GPR149: variants seen among roughly 807,000 people sequenced by gnomAD.
GPR149 encodes G protein-coupled receptor 149.
Under a neutral mutation model 50.2 loss-of-function variants are expected in GPR149, and 50 were observed. The observed-to-expected ratio is 1.00, with a 90% confidence interval of 0.79 to 1.26. GPR149 has a LOEUF of 1.26. GPR149 is among the 50% of genes most tolerant of loss of function. GPR149 has a pLI of 0.00. For synonymous variants in GPR149, 405 were observed against 358.2 expected, an observed-to-expected ratio of 1.13 and a Z score of -1.48; for missense variants, 983 against 895.4, an observed-to-expected ratio of 1.10 and a Z score of -1.25.
At chr3:154,364,090 C>A (rs1714476378) in intron 3 of GPR149, among the ~76,000 whole-genome samples, 1 of 152,198 alleles carries the variant, frequency 6.6e-6, no homozygotes, top group Admixed American at 6.5e-5. Flanking sequence ...CTGGGCACCA[C>A]TCCCTCCTAC....
chr3:154,388,304 A>G (rs1017845184), intron 3 of GPR149, among the ~76,000 whole-genome samples: 2 of 152,038 alleles, frequency 1.3e-5, no homozygotes, highest in African/African-American at 4.8e-5. Context: ...ATATATACAC[A>G]TATATATACA....
At chr3:154,417,821 G>A (rs1372346715) in intron 3 of GPR149, among the ~76,000 whole-genome samples, 5 of 152,062 alleles carry the variant, frequency 3.3e-5, no homozygotes, top group Non-Finnish European at 7.4e-5. Context: ...AAAAGGGTAA[G>A]AATTAAAAGT....
intron 3 of GPR149, among the ~76,000 whole-genome samples, chr3:154,358,146 G>A (rs1243058639): frequency 5.3e-5 from 8 of 152,028 alleles, no homozygotes; most frequent in Non-Finnish European, 7.4e-5. Context: ...GTTGTGGGGT[G>A]GGGGGTGTGG....
rs115361690 is a variant in GPR149, at chr3:154,339,546, A to C, written c.1624-1275T>G. ...ATTTTCCTGGGACTGTCCCATATTT[A>C]GCACTGAAATTTCTGCATCCCAGGA... On this transcript the variant is annotated intron_variant, in intron 3 of 3. Coordinates refer to ENST00000389740, the MANE Select transcript of GPR149 (RefSeq NM_001038705.3). Among the ~76,000 whole-genome samples, 490 of 152,260 alleles carry C rather than the reference A, an allele frequency of 3.2e-3. 3 individuals carry two copies. Among genetic ancestry groups the C allele is most frequent in the African/African-American group, 0.011 (475 of 41,548 alleles).
At chr3:154,403,615 A>T (rs1236350267) in intron 3 of GPR149, among the ~76,000 whole-genome samples, 4 of 152,170 alleles carry the variant, frequency 2.6e-5, no homozygotes, top group African/African-American at 9.7e-5. Flanking sequence ...GAACACATTG[A>T]TAGGGATCCT....
At chr3:154,346,002 G>C (rs701137) in intron 3 of GPR149, among the ~76,000 whole-genome samples, 2 of 151,950 alleles carry the variant, frequency 1.3e-5, no homozygotes, top group Non-Finnish European at 2.9e-5. Flanking sequence ...GTATCATGTT[G>C]TTATTTTAAA....
chr3:154,355,252 T>C (rs1714190861), intron 3 of GPR149, among the ~76,000 whole-genome samples: 1 of 152,166 alleles, frequency 6.6e-6, no homozygotes, highest in Admixed American at 6.5e-5. Context: ...GTTCTCAAAC[T>C]CCTGACCTCG....
At chr3:154,382,523 C>T (rs1026076866) in intron 3 of GPR149, among the ~76,000 whole-genome samples, 1 of 152,104 alleles carries the variant, frequency 6.6e-6, no homozygotes, top group Non-Finnish European at 1.5e-5. Flanking sequence ...GTCAAATGAC[C>T]ACTTGATCAA....
chr3:154,419,763 TA>T (rs1445977108), intron 3 of GPR149, among the ~76,000 whole-genome samples: 1 of 152,012 alleles, frequency 6.6e-6, no homozygotes, highest in African/African-American at 2.4e-5. Context: ...AGTGCAACAC[TA>T]AGAGGTTTAC....
rs577767065 is a variant in GPR149, at chr3:154,335,975, G to A, written c.*1724C>T. On this transcript the variant is annotated 3_prime_UTR_variant, in exon 4 of 4. Transcript: ENST00000389740. ...TTCAATTCAATTTTTCTTTTATAAA[G>A]ACATTTAATGCTACTGATTTATAAT... 19 of 152,076 alleles carry A rather than the reference G, an allele frequency of 1.2e-4. No homozygotes were observed. Among genetic ancestry groups the A allele is most frequent in the Admixed American group, 2.6e-4 (4 of 15,268 alleles). 9.4% of individuals were successfully genotyped at this position (152,076 alleles called of 1,614,324 possible).
At chr3:154,406,981 G>A (rs185493368) in intron 3 of GPR149, among the ~76,000 whole-genome samples, 18 of 152,290 alleles carry the variant, frequency 1.2e-4, no homozygotes, top group East Asian at 1.9e-4. Flanking sequence ...GTCTTAGATC[G>A]TGGCAGGCAA....
chr3:154,344,843 A>T (rs1287383506), intron 3 of GPR149, among the ~76,000 whole-genome samples: 1 of 152,240 alleles, frequency 6.6e-6, no homozygotes, highest in African/African-American at 2.4e-5. Flanking sequence ...ATGCGAGACA[A>T]CAAATTTTTG....
At position 154,428,762 on chromosome 3, in the gene GPR149, G is replaced by T. The variant is rs1019744624; in HGVS notation, c.854C>A (p.Ala285Asp). The change falls in exon 1 of 4, where the codon GCT becomes GAT. Residue 285 changes from alanine (A) to aspartate (D), a missense_variant. By Grantham distance (126) the Ala-to-Asp change is moderately radical. Coordinates refer to ENST00000389740, the MANE Select transcript of GPR149 (RefSeq NM_001038705.3). ...CCGGTTCTCACGCCTGCAGGCTTCAGCCCCAGCGGCAGCGGGCGCACCCGG... is the reference window on the plus strand; with the variant it reads ...CCGGTTCTCACGCCTGCAGGCTTCATCCCCAGCGGCAGCGGGCGCACCCGG... ...FGPGAPAAAG[A>D]EACRRENRGT... 3 of 1,613,920 alleles carry T rather than the reference G, an allele frequency of 1.9e-6. No individual in the cohort carries two copies. Among genetic ancestry groups the T allele is most frequent in the Middle Eastern group, 1.7e-4 (1 of 6,058 alleles).
intron 3 of GPR149, among the ~76,000 whole-genome samples, chr3:154,368,153 G>A (rs1023439715): frequency 3.3e-5 from 5 of 152,276 alleles, no homozygotes; most frequent in African/African-American, 1.2e-4. Flanking sequence ...TGAGACCATG[G>A]CCCCGCCAGA....
chr3:154,397,662 G>A (rs1048887877), intron 3 of GPR149, among the ~76,000 whole-genome samples: 9 of 151,972 alleles, frequency 5.9e-5, no homozygotes, highest in East Asian at 1.9e-4. Flanking sequence ...CTAATTTGTC[G>A]CATTTTCTGA....
chr3:154,360,618 A>G (rs924849925), intron 3 of GPR149, among the ~76,000 whole-genome samples: 2 of 152,198 alleles, frequency 1.3e-5, no homozygotes, highest in Admixed American at 6.5e-5. Flanking sequence ...TAGATAGTAC[A>G]ATTCAATTTA....
At chr3:154,360,453 A>G (rs761863757) in intron 3 of GPR149, among the ~76,000 whole-genome samples, 2 of 145,064 alleles carry the variant, frequency 1.4e-5, no homozygotes, top group Non-Finnish European at 3.2e-5. Context: ...ATTTCACTTA[A>G]GAATGTCCTT....
chr3:154,398,295 A>C (rs1442637684), intron 3 of GPR149, among the ~76,000 whole-genome samples: 1 of 152,190 alleles, frequency 6.6e-6, no homozygotes, highest in Non-Finnish European at 1.5e-5. Context: ...TAAGGTAATG[A>C]TTAGGGAAAC....
At chr3:154,347,407 A>G (rs1713955693) in intron 3 of GPR149, among the ~76,000 whole-genome samples, 1 of 152,182 alleles carries the variant, frequency 6.6e-6, no homozygotes, top group Non-Finnish European at 1.5e-5. Flanking sequence ...TTATAAAATC[A>G]TCAGATCTCA....
Sources: gnomAD v4.1 joint callset for allele counts (sites outside exome capture counted in the v4.1 genomes callset) on GRCh38, gnomAD v4.1.1 for gene constraint, MANE v1.5 for transcripts, NCBI Gene and HGNC (gene_info 2026-07-23, HGNC 2026-07-21) for gene names.